The following LAMA2 variants were observed in gnomAD, a reference collection of about 807,000 sequenced individuals.
LAMA2 encodes the protein laminin subunit alpha-2.
A neutral mutation model predicts 364.8 loss-of-function variants in LAMA2; 269 were observed. The ratio of observed to expected loss-of-function variants is 0.74; its 90% confidence interval spans 0.67 to 0.82. LAMA2 has a LOEUF of 0.82. Ranked by LOEUF, LAMA2 falls within the 40% of genes least tolerant of loss-of-function variation. LAMA2 has a pLI of 0.00. For missense variants in LAMA2, 3,807 were observed against 3,873.2 expected, an observed-to-expected ratio of 0.98 and a Z score of 0.45; for synonymous variants, 1,379 against 1,370.6, an observed-to-expected ratio of 1.01 and a Z score of -0.14.
intron 9 of LAMA2, among the ~76,000 whole-genome samples, chr6:129,167,421 T>C (rs1369187036): frequency 2.0e-5 from 3 of 151,840 alleles, no homozygotes; most frequent in Middle Eastern, 3.4e-3. Context: ...GTTTGGTTTT[T>C]TGTTCTTGCA....
chr6:129,332,932 A>T (rs1323163873), intron 29 of LAMA2, among the ~76,000 whole-genome samples: 1 of 123,450 alleles, frequency 8.1e-6, no homozygotes, highest in Non-Finnish European at 1.6e-5. Flanking sequence ...TTGCTCTGTC[A>T]CCCAGGCTAG....
chr6:129,501,616 A>C (rs1486325517), intron 58 of LAMA2, among the ~76,000 whole-genome samples: 1 of 152,230 alleles, frequency 6.6e-6, no homozygotes, highest in East Asian at 1.9e-4. Flanking sequence ...GGGCTGCTTG[A>C]GAACCTCTGC....
chr6:128,940,997 G>A (rs756588606), intron 1 of LAMA2, among the ~76,000 whole-genome samples: 4 of 152,096 alleles, frequency 2.6e-5, no homozygotes, highest in Admixed American at 6.6e-5. Context: ...CAGAATATTA[G>A]TTTAATTATG....
rs115440994 is a variant in LAMA2, at chr6:129,089,121, G to A, written c.397-9052G>A. Among the ~76,000 whole-genome samples the A allele has an allele frequency of 8.8e-3, 1,336 of 152,342 alleles. 20 individuals carry two copies. Among genetic ancestry groups the A allele is most frequent in the African/African-American group, 0.031 (1,280 of 41,574 alleles). Reference sequence around the variant, plus strand: ...GCGGTTAGGAGCTGGAGACCAGCCCGGTAGATGATGATATTTCATTTGCAA... The same window carrying A: ...GCGGTTAGGAGCTGGAGACCAGCCCAGTAGATGATGATATTTCATTTGCAA... On this transcript the variant is annotated intron_variant, in intron 3 of 64. Coordinates refer to ENST00000421865, the MANE Select transcript of LAMA2 (RefSeq NM_000426.4).
At chr6:129,098,024 T>A in intron 3 of LAMA2, 149 bp from the exon 4 acceptor site, 1 of 943,214 alleles carries the variant, frequency 1.1e-6, no homozygotes, top group South Asian at 1.5e-5. Flanking sequence ...GATATGAACC[T>A]GTAATAGTAA....
chr6:129,179,770 T>C (rs1327863260), intron 10 of LAMA2, among the ~76,000 whole-genome samples: 1 of 152,162 alleles, frequency 6.6e-6, no homozygotes, highest in Non-Finnish European at 1.5e-5. Flanking sequence ...TCTTATAAAC[T>C]AAATTGTTTC....
intron 3 of LAMA2, among the ~76,000 whole-genome samples, chr6:129,092,029 A>G (rs1356130415): frequency 6.6e-6 from 1 of 152,146 alleles, no homozygotes; most frequent in Non-Finnish European, 1.5e-5. Context: ...CCTCTGTTGT[A>G]CACAGACTTA....
intron 3 of LAMA2, among the ~76,000 whole-genome samples, chr6:129,076,250 T>C (rs1421113248): frequency 6.6e-6 from 1 of 151,320 alleles, no homozygotes; most frequent in East Asian, 1.9e-4. Flanking sequence ...GGGCCTATAA[T>C]TGAATCCTAG....
chr6:129,267,040 C>G, intron 15 of LAMA2, 66 bp from the exon 16 acceptor site: 1 of 1,026,346 alleles, frequency 9.7e-7, no homozygotes, highest in Non-Finnish European at 1.6e-6. Flanking sequence ...AAAACAAACA[C>G]AAACAAACAA....
intron 4 of LAMA2, among the ~76,000 whole-genome samples, chr6:129,142,648 CTG>C (rs1313487730): frequency 1.3e-5 from 2 of 151,956 alleles, no homozygotes; most frequent in Non-Finnish European, 2.9e-5. Context: ...CTCAGAATTA[CTG>C]TGTGTTTCTA....
intron 1 of LAMA2, among the ~76,000 whole-genome samples, chr6:128,977,459 C>T (rs1468809282): frequency 6.6e-6 from 1 of 151,888 alleles, no homozygotes; most frequent in Non-Finnish European, 1.5e-5. Context: ...GATGAGGTCT[C>T]ACTATGTTGC....
intron 1 of LAMA2, among the ~76,000 whole-genome samples, chr6:128,932,008 AT>A (rs1779516117): frequency 1.3e-5 from 2 of 152,326 alleles, no homozygotes; most frequent in Admixed American, 6.5e-5. Flanking sequence ...GTCCATAAAT[AT>A]TCTTTGACAT....
chr6:129,099,125 G>GTTTTTTT (rs370334822), intron 4 of LAMA2, among the ~76,000 whole-genome samples: 3 of 129,786 alleles, frequency 2.3e-5, no homozygotes, highest in Non-Finnish European at 3.2e-5. Flanking sequence ...TTTTTTTTTT[G>GTTTTTTT]TTTTTTTTTT....
At chr6:129,326,091 C>T (rs1391539961) in intron 28 of LAMA2, among the ~76,000 whole-genome samples, 1 of 152,198 alleles carries the variant, frequency 6.6e-6, no homozygotes. Context: ...CCAGCCACCT[C>T]AGCCTCCCAA....
intron 1 of LAMA2, among the ~76,000 whole-genome samples, chr6:129,020,564 A>C (rs1456640103): frequency 6.6e-6 from 1 of 152,186 alleles, no homozygotes; most frequent in African/African-American, 2.4e-5. Flanking sequence ...ACTGCATGGC[A>C]AGCAAAGGTT....
At chr6:129,193,221 T>G (rs1406325614) in intron 12 of LAMA2, among the ~76,000 whole-genome samples, 1 of 152,216 alleles carries the variant, frequency 6.6e-6, no homozygotes, top group Non-Finnish European at 1.5e-5. Context: ...CTTACTAAAG[T>G]TTTTCTCATC....
intron 34 of LAMA2, among the ~76,000 whole-genome samples, chr6:129,381,051 A>T (rs1778656675): frequency 6.6e-6 from 1 of 152,222 alleles, no homozygotes; most frequent in South Asian, 2.1e-4. Flanking sequence ...GAATTGGTCC[A>T]CTTGGTGTGA....
At chr6:129,060,662 T>C (rs936211293) in intron 3 of LAMA2, among the ~76,000 whole-genome samples, 2 of 152,126 alleles carry the variant, frequency 1.3e-5, no homozygotes, top group African/African-American at 4.8e-5. Context: ...ACTGTAAAGG[T>C]CATGGTTTTT....
At chr6:129,334,951 T>C (rs1775864069) in intron 29 of LAMA2, among the ~76,000 whole-genome samples, 1 of 152,176 alleles carries the variant, frequency 6.6e-6, no homozygotes, top group South Asian at 2.1e-4. Flanking sequence ...GAGAACACAG[T>C]TGTTCAGGCC....
Sources: allele counts gnomAD v4.1 joint callset (sites outside exome capture counted in the v4.1 genomes callset), GRCh38; gene constraint gnomAD v4.1.1; transcripts MANE v1.5; gene names NCBI Gene and HGNC (gene_info 2026-07-23, HGNC 2026-07-21).